The following SPNS3 variants were observed in gnomAD, a reference collection of about 807,000 sequenced individuals.
SPNS3 encodes protein spinster homolog 3.
In SPNS3, 51 loss-of-function variants were observed where a neutral mutation model predicts 54.4. The observed-to-expected ratio is 0.94, with a 90% CI of 0.75 to 1.18. SPNS3 has a LOEUF of 1.18. Among genes scored for constraint, SPNS3 ranks in the 50% most tolerant of loss-of-function variants. The pLI, the probability that SPNS3 is intolerant of heterozygous loss-of-function variation, is 0.00. For missense variants in SPNS3, 669 were observed against 677.4 expected, an observed-to-expected ratio of 0.99 and a Z score of 0.14; for synonymous variants, 309 against 294.7, an observed-to-expected ratio of 1.05 and a Z score of -0.50.
At chr17:4,466,530 ACT>A (rs1224969290) in intron 8 of SPNS3, among the ~76,000 whole-genome samples, 23 of 98,030 alleles carry the variant, frequency 2.3e-4, no homozygotes, top group African/African-American at 5.8e-4. Flanking sequence ...ACAGAACGAG[ACT>A]CTGTCTCAAA....
chr17:4,463,376 A>C (rs1375993940), intron 8 of SPNS3, among the ~76,000 whole-genome samples: 4 of 149,684 alleles, frequency 2.7e-5, no homozygotes, highest in Non-Finnish European at 1.5e-5. Context: ...TAGCCTGGGC[A>C]ACAAAGCAAG....
intron 8 of SPNS3, among the ~76,000 whole-genome samples, chr17:4,471,761 C>T (rs1267139505): frequency 6.6e-6 from 1 of 151,576 alleles, no homozygotes; most frequent in Non-Finnish European, 1.5e-5. Flanking sequence ...CCACTGTGCC[C>T]GGTCTGAATT....
Position 4,452,993 on chromosome 17 carries a change from C to G in SPNS3, c.924-23C>G, listed in dbSNP as rs370075763. On this transcript the variant is annotated intron_variant, in intron 7 of 11. Transcript: ENST00000355530. ...TGCTAAGCTCACCCAGCTGACCAAC[C>G]CTTCTGTGCTCTTCCCCATCAGCCT... 1.3e-4 allele frequency: 202 copies of G among 1,604,146 alleles called. 1 individual carries two copies. The highest frequency in any genetic ancestry group is 1.1e-3 in the Admixed American group (65 of 59,522).
chr17:4,452,219 C>T (rs148382553), intron 7 of SPNS3, among the ~76,000 whole-genome samples: 1 of 152,208 alleles, frequency 6.6e-6, no homozygotes, highest in South Asian at 2.1e-4. Flanking sequence ...GCCTCAGCCT[C>T]CTGAGTAGCT....
At chr17:4,471,806 C>T (rs1971860736) in intron 8 of SPNS3, among the ~76,000 whole-genome samples, 2 of 151,728 alleles carry the variant, frequency 1.3e-5, no homozygotes, top group African/African-American at 4.8e-5. Flanking sequence ...AGCTTGAAGC[C>T]AATATAAGGA....
At chr17:4,445,969 C>A (rs759868531) in intron 3 of SPNS3, 79 bp from the exon 4 acceptor site, 3 of 1,505,846 alleles carry the variant, frequency 2.0e-6, no homozygotes, top group Non-Finnish European at 2.7e-6. Context: ...GTCCCCTTGG[C>A]TCCTCCGACA....
At position 4,486,507 on chromosome 17, in the gene SPNS3, C is replaced by T. The variant is rs140413188; in HGVS notation, c.1374C>T (p.Ala458=). 1 of 1,613,640 alleles carries T rather than the reference C, an allele frequency of 6.2e-7. No homozygotes were observed. The highest frequency in any genetic ancestry group is 8.5e-7 in the Non-Finnish European group (1 of 1,179,968). Residue 458 remains alanine, a synonymous_variant, in exon 11 of 12, where the codon GCC becomes GCT. Coordinates refer to ENST00000355530, the MANE Select transcript of SPNS3 (RefSeq NM_182538.5). The surrounding 1 kb of genome is among the most constrained non-coding windows in gnomAD (Gnocchi z 5.5). ...QSFLCCAFVI[A]LGGGCFLLTA... ...TCCTGTGCTGCGCCTTTGTCATCGC[C>T]CTGGGGGGCGGCTGCTTCCTGCTGA...
At chr17:4,481,786 A>G (rs1041130791) in intron 9 of SPNS3, among the ~76,000 whole-genome samples, 1 of 152,194 alleles carries the variant, frequency 6.6e-6, no homozygotes, top group Non-Finnish European at 1.5e-5. Context: ...CTATAAGGAT[A>G]GAATGAACTC....
intron 8 of SPNS3, among the ~76,000 whole-genome samples, chr17:4,456,890 T>A (rs1279146136): frequency 6.6e-6 from 1 of 152,176 alleles, no homozygotes; most frequent in Non-Finnish European, 1.5e-5. Flanking sequence ...AATTTTTGTA[T>A]TTTTGGTAGA....
At chr17:4,446,992 C>T (rs761829601) in intron 5 of SPNS3, 30 bp downstream of exon 5, 1 of 1,612,556 alleles carries the variant, frequency 6.2e-7, no homozygotes, top group Non-Finnish European at 8.5e-7. Flanking sequence ...CTTCCCTCTG[C>T]TTTCCCTCTG....
chr17:4,463,533 G>A (rs1352973046), intron 8 of SPNS3, among the ~76,000 whole-genome samples: 1 of 151,948 alleles, frequency 6.6e-6, no homozygotes, highest in Non-Finnish European at 1.5e-5. Flanking sequence ...TTCGAGACCA[G>A]CCTGGCCAAC....
chr17:4,450,762 A>ATTTTTTTTTTT (rs11415054), intron 7 of SPNS3, among the ~76,000 whole-genome samples: 2 of 127,202 alleles, frequency 1.6e-5, no homozygotes, highest in Non-Finnish European at 3.2e-5. Context: ...ATGCCCAGCT[A>ATTTTTTTTTTT]TTTTTTTTTT....
intron 8 of SPNS3, among the ~76,000 whole-genome samples, chr17:4,471,314 C>T (rs2144168510): frequency 6.6e-6 from 1 of 152,304 alleles, no homozygotes; most frequent in East Asian, 1.9e-4. Context: ...TCTGTTTACA[C>T]AGATTCTTTA....
chr17:4,457,744 C>G (rs1334842377), intron 8 of SPNS3, among the ~76,000 whole-genome samples: 1 of 147,656 alleles, frequency 6.8e-6, no homozygotes, highest in African/African-American at 2.5e-5. Context: ...ACAGCTGCCC[C>G]CCCCTCACCC....
At chr17:4,473,096 T>C (rs768360237) in intron 8 of SPNS3, among the ~76,000 whole-genome samples, 1 of 152,086 alleles carries the variant, frequency 6.6e-6, no homozygotes, top group Non-Finnish European at 1.5e-5. Flanking sequence ...GCTGCCAGTA[T>C]TGAATGTTTA....
At chr17:4,476,153 G>C (rs879326165) in intron 8 of SPNS3, among the ~76,000 whole-genome samples, 16 of 152,342 alleles carry the variant, frequency 1.1e-4, no homozygotes, top group Non-Finnish European at 1.0e-4. Context: ...TGCCCCGGGA[G>C]ACTGTAATTA....
In SPNS3 at chr17:4,448,225, C is replaced by T; in HGVS notation, c.692C>T (p.Ala231Val). The change falls in exon 6 of 12, where the codon GCT becomes GTT. Residue 231 changes from alanine to valine, a missense_variant. Transcript: ENST00000355530. The stretch of plus-strand genomic sequence containing the variant: ...CTGGTTCCAGACCCACCCCGGGGAG[C>T]TGCCGAGACACAGGGGGAGGGGGCC... ...ILLVPDPPRG[A>V]AETQGEGAVG... The T allele has an allele frequency of 6.2e-7, 1 of 1,603,506 alleles. No homozygotes were observed. The highest frequency in any genetic ancestry group is 8.5e-7 in the Non-Finnish European group (1 of 1,175,370).
At chr17:4,470,641 C>T (rs991981353) in intron 8 of SPNS3, among the ~76,000 whole-genome samples, 2 of 152,158 alleles carry the variant, frequency 1.3e-5, no homozygotes, top group Non-Finnish European at 2.9e-5. Context: ...CCCTAGGCAG[C>T]TGCTAAATCT....
intron 4 of SPNS3, 49 bp from the exon 5 acceptor site, chr17:4,446,847 T>C: frequency 6.3e-7 from 1 of 1,581,212 alleles, no homozygotes; most frequent in Non-Finnish European, 8.7e-7. Flanking sequence ...GGGGTCTGCC[T>C]TCCGCCTCCC....
Sources: allele counts gnomAD v4.1 joint callset (sites outside exome capture counted in the v4.1 genomes callset), GRCh38; gene constraint gnomAD v4.1.1; non-coding constraint Gnocchi (gnomAD v3.1); transcripts MANE v1.5; gene names NCBI Gene and HGNC (gene_info 2026-07-23, HGNC 2026-07-21).